The following STMN3 variants were observed in gnomAD, a reference collection of about 807,000 sequenced individuals.
The protein encoded by STMN3 is stathmin-3.
Under a neutral mutation model 23.2 loss-of-function variants are expected in STMN3, and 24 were observed. That is an observed-to-expected ratio of 1.03 (90% CI 0.75 to 1.45). The LOEUF (loss-of-function observed/expected upper bound fraction) is 1.45, where lower values mean the gene tolerates loss of function less well. STMN3 is among the 40% of genes most tolerant of loss of function. The probability of loss-of-function intolerance (pLI) is 0.00; values close to 1 mark genes in which losing one functional copy is unlikely to be tolerated. For missense variants in STMN3, 235 were observed against 237.6 expected, an observed-to-expected ratio of 0.99 and a Z score of 0.07; for synonymous variants, 117 against 103.4, an observed-to-expected ratio of 1.13 and a Z score of -0.80.
chr20:63,643,868 G>T lies in STMN3; in HGVS notation c.179C>A (p.Ser60Tyr). 5 of 1,590,392 alleles carry T rather than the reference G, an allele frequency of 3.1e-6. No individual in the cohort carries two copies. The highest frequency in any genetic ancestry group is 4.3e-6 in the Non-Finnish European group (5 of 1,174,048). ...GCTCTCTGGGGACAGGTCAGAAGGG[G>T]ACTTGAGGATGACCTCGAAGCTCTG... is the stretch of plus-strand genomic sequence containing the variant. Reference protein sequence around the residue: ...SGQSFEVILKSPSDLSPESPM... With the variant: ...SGQSFEVILKYPSDLSPESPM... Residue 60 changes from serine (S) to tyrosine (Y), a missense_variant, in exon 3 of 5, where the codon TCC becomes TAC. By Grantham distance (144) the Ser-to-Tyr change is moderately radical. Coordinates refer to ENST00000370053, the MANE Select transcript of STMN3 (RefSeq NM_015894.4).
chr20:63,647,363 TC>T (rs1230496006), intron 1 of STMN3, among the ~76,000 whole-genome samples: 14 of 147,608 alleles, frequency 9.5e-5, no homozygotes, highest in African/African-American at 3.6e-4. Flanking sequence ...ACGCCTGTAA[TC>T]CCAGAACTTT....
At chr20:63,651,948 G>A (rs551834623) in intron 1 of STMN3, among the ~76,000 whole-genome samples, 1 of 152,346 alleles carries the variant, frequency 6.6e-6, no homozygotes, top group African/African-American at 2.4e-5. Context: ...AAGGGCAGGA[G>A]GCGGCCCTGG....
chr20:63,646,588 C>T (rs1053265481), intron 1 of STMN3, among the ~76,000 whole-genome samples: 1 of 151,684 alleles, frequency 6.6e-6, no homozygotes, highest in Non-Finnish European at 1.5e-5. Context: ...CTCCTGACCT[C>T]GTGATCCGCC....
chr20:63,647,979 T>TAC (rs201232893), intron 1 of STMN3, among the ~76,000 whole-genome samples: 2 of 77,370 alleles, frequency 2.6e-5, no homozygotes, highest in South Asian at 3.5e-4. Context: ...TATATATATA[T>TAC]ACATATATAT....
At position 63,649,084 on chromosome 20, in the gene STMN3, C is replaced by A. The variant is rs550020630; in HGVS notation, c.19+4243G>T. On this transcript the variant is annotated intron_variant, in intron 1 of 4. Coordinates refer to ENST00000370053, the MANE Select transcript of STMN3 (RefSeq NM_015894.4). The stretch of plus-strand genomic sequence containing the variant: ...TCTGCAGCTGCAGACACAGGTGCGG[C>A]TCAGCATCTGATGGCCACGGAGACC... Among the ~76,000 whole-genome samples, 14 of 152,296 alleles carry A rather than the reference C, an allele frequency of 9.2e-5. No homozygotes were observed. The East Asian group carries it at 2.7e-3, about 29-fold the overall frequency.
In STMN3 at chr20:63,640,106, G is replaced by A. The variant is rs1466217211; in HGVS notation, c.*1232C>T. On this transcript the variant is annotated 3_prime_UTR_variant, in exon 5 of 5. Transcript: ENST00000370053. Reference sequence around the variant, plus strand: ...AGGGCCCTGGCTCTGGGTCCTAAGAGAACTCAGCCGCCCCCTTCACACTTT... The same window carrying A: ...AGGGCCCTGGCTCTGGGTCCTAAGAAAACTCAGCCGCCCCCTTCACACTTT... The A allele has an allele frequency of 6.5e-5, 10 of 152,858 alleles. No individual in the cohort carries two copies. Among genetic ancestry groups the A allele is most frequent in the African/African-American group, 2.4e-4 (10 of 41,462 alleles). 9.5% of individuals were successfully genotyped at this position (152,858 alleles called of 1,614,324 possible).
In STMN3 at chr20:63,647,983, T is replaced by C. The variant is rs1187954064; in HGVS notation, c.20-3674A>G. 5.3e-5 allele frequency among the ~76,000 whole-genome samples: 5 copies of C among 95,030 alleles called. 1 individual carries two copies. Among genetic ancestry groups the C allele is most frequent in the Non-Finnish European group, 8.4e-5 (4 of 47,368 alleles). 62.3% of individuals were successfully genotyped at this position (95,030 alleles called of 152,430 possible). On this transcript the variant is annotated intron_variant, in intron 1 of 4. Coordinates refer to ENST00000370053, the MANE Select transcript of STMN3 (RefSeq NM_015894.4). ...ATGTATATATATATATATATATACATATATATATACAGAGAGAGAGAGAGT... is the reference window on the plus strand; with the variant it reads ...ATGTATATATATATATATATATACACATATATATACAGAGAGAGAGAGAGT...
chr20:63,649,683 A>C (rs2089842536), intron 1 of STMN3, among the ~76,000 whole-genome samples: 1 of 152,000 alleles, frequency 6.6e-6, no homozygotes, highest in Non-Finnish European at 1.5e-5. Context: ...GGCGCCCGCC[A>C]CCACGCCCAG....
chr20:63,644,442 C>T, intron 1 of STMN3, 133 bp from the exon 2 acceptor site: 1 of 665,512 alleles, frequency 1.5e-6, no homozygotes. Context: ...TCTTGTGTGT[C>T]TCCACACCGC....
At position 63,641,275 on chromosome 20, in the gene STMN3, A is replaced by G; in HGVS notation, c.*63T>C. 6.7e-7 allele frequency: 1 copy of G among 1,488,838 alleles called. No homozygotes were observed. Among genetic ancestry groups the G allele is most frequent in the Non-Finnish European group, 9.2e-7 (1 of 1,092,714 alleles). 92.2% of individuals were successfully genotyped at this position (1,488,838 alleles called of 1,614,324 possible). On this transcript the variant is annotated 3_prime_UTR_variant, in exon 5 of 5. Transcript: ENST00000370053. The stretch of plus-strand genomic sequence containing the variant: ...AAAAGTTGCATCTAGACAGAGGTGA[A>G]CGAAACAAAACCAAAACCCGAACGT...
intron 1 of STMN3, among the ~76,000 whole-genome samples, chr20:63,644,678 C>A (rs2089795757): frequency 6.6e-6 from 1 of 152,168 alleles, no homozygotes; most frequent in Non-Finnish European, 1.5e-5. Context: ...AAATCGTAAC[C>A]CCAAGGTGCC....
rs1385508803 is a variant in STMN3 at position 63,647,637 on chromosome 20, T to TATATATATATACATGTATATATATA, written c.20-3353_20-3329dup. Among the ~76,000 whole-genome samples the TATATATATATACATGTATATATATA allele has an allele frequency of 3.4e-3, 463 of 138,006 alleles. 1 individual carries two copies. The highest frequency in any genetic ancestry group is 4.8e-3 in the Non-Finnish European group (313 of 65,350). The allele number at this position is 138,006 out of a possible 152,430, so 90.5% of individuals were successfully genotyped here. A position where few individuals can be genotyped will look rare whatever the true frequency, so the allele number is the denominator to read the frequency against. On this transcript the variant is annotated intron_variant, in intron 1 of 4. Coordinates refer to ENST00000370053, the MANE Select transcript of STMN3 (RefSeq NM_015894.4). The stretch of plus-strand genomic sequence containing the variant: ...TCTCAAAAACAAACACAAACAAACA[T>TATATATATATACATGTATATATATA]ATATATATATACATGTATATATATA...
At chr20:63,646,522 T>A (rs1311145311) in intron 1 of STMN3, among the ~76,000 whole-genome samples, 2 of 150,758 alleles carry the variant, frequency 1.3e-5, no homozygotes, top group African/African-American at 4.9e-5. Flanking sequence ...CCCAGCTAAT[T>A]TTTTGTATTT....
chr20:63,647,754 TAATA>T (rs1353814208), intron 1 of STMN3, among the ~76,000 whole-genome samples: 3 of 124,316 alleles, frequency 2.4e-5, no homozygotes, highest in Admixed American at 8.6e-5. Flanking sequence ...TGTATATATA[TAATA>T]TATATACATA....
rs770962547 is a variant in STMN3 at position 63,643,786 on chromosome 20, C to T, written c.261G>A (p.Lys87=). The change falls in exon 3 of 5, where the codon AAG becomes AAA. Residue 87 remains lysine, a synonymous_variant. Coordinates refer to ENST00000370053, the MANE Select transcript of STMN3 (RefSeq NM_015894.4). ...KKDTSLEELQ[K]RLEAAEERRK... ...TCCGCTCCTCGGCTGCCTCCAGCCG[C>T]TTTTGCAGCTCCTCCAGGGAGGTGT... The T allele has an allele frequency of 3.2e-6, 5 of 1,554,876 alleles. No individual in the cohort carries two copies. In the East Asian group the frequency reaches 1.2e-4, roughly 37 times the overall value.
At chr20:63,643,639 C>A (rs185352964) in intron 3 of STMN3, 117 bp downstream of exon 3, 2 of 1,389,918 alleles carry the variant, frequency 1.4e-6, no homozygotes, top group Non-Finnish European at 1.9e-6. Context: ...GCCCCTCCTG[C>A]TCCAGGCCAA....
At chr20:63,641,539 A>AG (rs1857972545) in intron 4 of STMN3, 142 bp from the exon 5 acceptor site, 3 of 643,212 alleles carry the variant, frequency 4.7e-6, no homozygotes, top group Non-Finnish European at 8.1e-6. Flanking sequence ...GACTGAGTTG[A>AG]GGGGGCGGGA....
At chr20:63,647,693 A>ATATAT (rs2089821091) in intron 1 of STMN3, among the ~76,000 whole-genome samples, 1 of 133,330 alleles carries the variant, frequency 7.5e-6, no homozygotes, top group South Asian at 2.2e-4. Context: ...ACACGTGTAT[A>ATATAT]TATATAATAT....
rs991935950 is a variant in STMN3, at chr20:63,653,394, G to A, written c.-49C>T. ...CGGAGGCTGGAGAGGCGCAAGTGGC[G>A]GCCGGAGCTGCAGACGGCTGGTGCT... is the stretch of plus-strand genomic sequence containing the variant. On this transcript the variant is annotated 5_prime_UTR_variant, in exon 1 of 5. Coordinates refer to ENST00000370053, the MANE Select transcript of STMN3 (RefSeq NM_015894.4). 6.5e-7 allele frequency: 1 copy of A among 1,531,510 alleles called. No individual in the cohort carries two copies. Among genetic ancestry groups the A allele is most frequent in the East Asian group, 2.6e-5 (1 of 38,692 alleles). The allele number at this position is 1,531,510 out of a possible 1,614,324, so 94.9% of individuals were successfully genotyped here.
Sources: allele counts gnomAD v4.1 joint callset (sites outside exome capture counted in the v4.1 genomes callset), GRCh38; gene constraint gnomAD v4.1.1; transcripts MANE v1.5; gene names NCBI Gene and HGNC (gene_info 2026-07-23, HGNC 2026-07-21).